Variants in DPP6 observed in about 807,000 individuals in gnomAD.
The protein encoded by DPP6 is dipeptidyl peptidase like 6, also known as A-type potassium channel modulatory protein DPP6.
A neutral mutation model predicts 122.6 loss-of-function variants in DPP6; 69 were observed. The ratio of observed to expected loss-of-function variants is 0.56; its 90% CI spans 0.46 to 0.69. DPP6 has a LOEUF of 0.69. Ranked by LOEUF, DPP6 falls within the 30% of genes least tolerant of loss-of-function variation. The pLI, the probability that DPP6 is intolerant of heterozygous loss-of-function variation, is 0.00. For missense variants in DPP6, 928 were observed against 1,116.9 expected (o/e 0.83, Z 2.41); for synonymous variants, 418 against 433.1 (o/e 0.97, Z 0.43).
rs1195434814 is a variant in DPP6, at chr7:154,207,715, C to T, written c.243+154652C>T. Reference sequence around the variant, plus strand: ...CAGAGTATATCTGGAAGAGATCTTCCAATACATACTATCTTTTTATAAATG... The same window carrying T: ...CAGAGTATATCTGGAAGAGATCTTCTAATACATACTATCTTTTTATAAATG... On this transcript the variant is annotated intron_variant, in intron 1 of 25. Transcript: ENST00000377770. Among the ~76,000 whole-genome samples, 3 of 152,198 alleles carry T rather than the reference C, an allele frequency of 2.0e-5. No individual in the cohort carries two copies. The East Asian group carries it at 5.8e-4, about 29-fold the overall frequency.
At chr7:154,783,913 A>C (rs1032315222) in intron 10 of DPP6, among the ~76,000 whole-genome samples, 3 of 152,040 alleles carry the variant, frequency 2.0e-5, no homozygotes, top group African/African-American at 7.2e-5. Context: ...GCTGACAAAC[A>C]TGGCTTTCTT....
At chr7:154,687,260 T>G (rs1232579215) in intron 7 of DPP6, among the ~76,000 whole-genome samples, 1 of 152,244 alleles carries the variant, frequency 6.6e-6, no homozygotes, top group African/African-American at 2.4e-5. Context: ...TGAGTCTTTT[T>G]CAGTTTTCTG....
intron 16 of DPP6, among the ~76,000 whole-genome samples, chr7:154,824,521 C>T (rs1052169244): frequency 3.3e-5 from 5 of 152,212 alleles, no homozygotes; most frequent in African/African-American, 1.2e-4. Flanking sequence ...TCAGGTGATC[C>T]ACCTGCCTCA....
chr7:154,570,774 GTT>G (rs1176110406), intron 5 of DPP6, among the ~76,000 whole-genome samples: 2 of 152,078 alleles, frequency 1.3e-5, no homozygotes, highest in Non-Finnish European at 2.9e-5. Flanking sequence ...CCAACCCTAT[GTT>G]TTTTTGAGAG....
intron 1 of DPP6, among the ~76,000 whole-genome samples, chr7:154,046,302 T>C (rs1442092058): frequency 2.6e-5 from 4 of 152,164 alleles, no homozygotes; most frequent in Non-Finnish European, 4.4e-5. Flanking sequence ...GCCTGCATCA[T>C]GTCCACGCAC....
chr7:153,954,836 C>A (rs1802384946), intron 1 of DPP6, among the ~76,000 whole-genome samples: 1 of 152,202 alleles, frequency 6.6e-6, no homozygotes, highest in South Asian at 2.1e-4. Flanking sequence ...TCATGTGAAC[C>A]AATACCTTAA....
At chr7:154,876,700 C>T (rs1257594463) in intron 20 of DPP6, among the ~76,000 whole-genome samples, 1 of 152,214 alleles carries the variant, frequency 6.6e-6, no homozygotes, top group African/African-American at 2.4e-5. Context: ...GCAGATGCTC[C>T]AAATGACTTA....
At chr7:153,846,732 A>G in the DPP6 span, among the ~76,000 whole-genome samples, 44,711 of 126,772 alleles carry the variant, frequency 0.35, 8,172 homozygotes, top group African/African-American at 0.54. Flanking sequence ...TCGCTCTGTT[A>G]CCCAGGCTGG....
At chr7:154,781,200 G>T (rs775657400) in intron 10 of DPP6, among the ~76,000 whole-genome samples, 2 of 152,124 alleles carry the variant, frequency 1.3e-5, no homozygotes, top group Non-Finnish European at 2.9e-5. Flanking sequence ...ATGGATGGAT[G>T]GACAGACTGA....
chr7:154,274,200 G>T (rs2150938872), intron 1 of DPP6, among the ~76,000 whole-genome samples: 1 of 152,278 alleles, frequency 6.6e-6, no homozygotes, highest in East Asian at 1.9e-4. Flanking sequence ...GAATTCTGTA[G>T]TCCTGTCTCT....
intron 1 of DPP6, among the ~76,000 whole-genome samples, chr7:153,932,123 CT>C (rs11342253): frequency 0.37 from 49,827 of 135,482 alleles, 9,256 homozygotes; most frequent in African/African-American, 0.5. Context: ...CATTTTGTGC[CT>C]TTTTTTTTTT....
intron 7 of DPP6, among the ~76,000 whole-genome samples, chr7:154,680,537 T>C (rs553697783): frequency 1.3e-5 from 2 of 152,106 alleles, no homozygotes; most frequent in Non-Finnish European, 2.9e-5. Flanking sequence ...TATCAAACAA[T>C]AGCAGGACTA....
At chr7:154,729,130 T>C (rs1362473345) in intron 8 of DPP6, among the ~76,000 whole-genome samples, 2 of 152,198 alleles carry the variant, frequency 1.3e-5, no homozygotes, top group African/African-American at 4.8e-5. Context: ...TCAGGGTAAT[T>C]ACCTTTTTTG....
chr7:154,460,979 C>T (rs1167041360), intron 2 of DPP6, among the ~76,000 whole-genome samples: 1 of 151,744 alleles, frequency 6.6e-6, no homozygotes, highest in Non-Finnish European at 1.5e-5. Flanking sequence ...CATTAACCAT[C>T]CCCCTCTGCC....
chr7:154,380,925 G>T (rs1813542989), intron 1 of DPP6, among the ~76,000 whole-genome samples: 1 of 152,194 alleles, frequency 6.6e-6, no homozygotes, highest in South Asian at 2.1e-4. Context: ...GAGGAGAGAT[G>T]GTGTTATCAT....
intron 1 of DPP6, among the ~76,000 whole-genome samples, chr7:154,365,924 T>C (rs550276223): frequency 2.0e-4 from 28 of 143,048 alleles, no homozygotes; most frequent in South Asian, 2.2e-4. Flanking sequence ...CGCCACTGCG[T>C]TCCAGCCTGG....
chr7:153,818,166 C>T, the DPP6 span, among the ~76,000 whole-genome samples: 1 of 148,592 alleles, frequency 6.7e-6, no homozygotes, highest in African/African-American at 2.6e-5. Flanking sequence ...TATATATATT[C>T]TCAAACTTTA....
chr7:154,015,786 G>T (rs1488045099), intron 1 of DPP6, among the ~76,000 whole-genome samples: 2 of 152,052 alleles, frequency 1.3e-5, no homozygotes, highest in African/African-American at 2.4e-5. Context: ...TGGAATCTCT[G>T]AAGTCACTCC....
At chr7:154,768,266 T>C (rs1796032200) in intron 8 of DPP6, among the ~76,000 whole-genome samples, 2 of 152,262 alleles carry the variant, frequency 1.3e-5, no homozygotes, top group South Asian at 4.1e-4. Context: ...GCTTCTTCCC[T>C]GTCTGGGACT....
Sources: allele counts gnomAD v4.1 joint callset (sites outside exome capture counted in the v4.1 genomes callset), GRCh38; gene constraint gnomAD v4.1.1; transcripts MANE v1.5; gene names NCBI Gene and HGNC (gene_info 2026-07-23, HGNC 2026-07-21).